Variants in TBC1D31 observed in about 807,000 individuals in gnomAD.
The protein encoded by TBC1D31 is WD repeat domain 67.
In TBC1D31, 99 loss-of-function variants were observed where a neutral mutation model predicts 132.9. The ratio of observed to expected loss-of-function variants is 0.74; its 90% CI spans 0.63 to 0.88. TBC1D31 has a LOEUF of 0.88. Among genes scored for constraint, TBC1D31 ranks in the 40% least tolerant of loss-of-function variants. The pLI, the probability that TBC1D31 is intolerant of heterozygous loss-of-function variation, is 0.00. For synonymous variants in TBC1D31, 385 were observed against 419.4 expected (o/e 0.92, Z 1.00); for missense variants, 1,134 against 1,256.6 (o/e 0.90, Z 1.48).
rs770748162 is a variant in TBC1D31 at position 123,151,912 on chromosome 8, T to A, written c.3174T>A (p.Cys1058Ter). ...QRLTARARHRCQTPHLLAA is the reference protein window; with the variant it reads ...QRLTARARHR ...TCACTGCCCGGGCTCGTCACAGATG[T>A]CAAACCCCTCATCTTTTGGCTGCAT... The change falls in exon 22 of 22, where the codon TGT becomes TGA. Residue 1058 changes from cysteine (C) to a stop codon, truncating the protein, a stop_gained. Transcript: ENST00000287380. LOFTEE classifies it high-confidence loss of function. The A allele has an allele frequency of 1.3e-6, 2 of 1,564,518 alleles. No individual in the cohort carries two copies. Among genetic ancestry groups the A allele is most frequent in the Non-Finnish European group, 1.7e-6 (2 of 1,160,390 alleles).
intron 20 of TBC1D31, among the ~76,000 whole-genome samples, chr8:123,146,688 C>CT (rs973392021): frequency 6.6e-4 from 96 of 144,454 alleles, no homozygotes; most frequent in South Asian, 1.1e-3. Flanking sequence ...TTATGCCTAC[C>CT]TTTTTTTTTT....
chr8:123,095,877 A>G (rs1238218981), intron 5 of TBC1D31, among the ~76,000 whole-genome samples: 1 of 152,156 alleles, frequency 6.6e-6, no homozygotes, highest in African/African-American at 2.4e-5. Flanking sequence ...CATTGTTTCT[A>G]GTCAGGGGAA....
intron 7 of TBC1D31, 57 bp from the exon 8 acceptor site, chr8:123,105,231 A>C: frequency 1.1e-5 from 14 of 1,265,536 alleles, no homozygotes; most frequent in Non-Finnish European, 1.4e-5. Context: ...ATACATTAAC[A>C]GGCCTGTCTT....
chr8:123,158,065 A>G, the TBC1D31 span, among the ~76,000 whole-genome samples: 1 of 144,482 alleles, frequency 6.9e-6, no homozygotes, highest in Non-Finnish European at 1.5e-5. Context: ...TTCAGGAATA[A>G]CCGTGGAAGC....
Position 123,082,751 on chromosome 8 carries a change from A to G in TBC1D31, c.274A>G (p.Asn92Asp). 6.2e-7 allele frequency: 1 copy of G among 1,613,340 alleles called. No individual in the cohort carries two copies. Among genetic ancestry groups the G allele is most frequent in the South Asian group, 1.1e-5 (1 of 91,084 alleles). The change falls in exon 3 of 22, where the codon AAT becomes GAT. Residue 92 changes from asparagine to aspartate, a missense_variant. Coordinates refer to ENST00000287380, the MANE Select transcript of TBC1D31 (RefSeq NM_145647.4). ...ACAAGCTTGCACAGCTCTGGCCTTTAATCTTCGTAGGAAATCTGAATTCCT... is the reference window on the plus strand; with the variant it reads ...ACAAGCTTGCACAGCTCTGGCCTTTGATCTTCGTAGGAAATCTGAATTCCT... ...TAQACTALAF[N>D]LRRKSEFLVA...
intron 17 of TBC1D31, among the ~76,000 whole-genome samples, chr8:123,140,252 C>G (rs1821510444): frequency 6.6e-6 from 1 of 152,172 alleles, no homozygotes; most frequent in South Asian, 2.1e-4. Flanking sequence ...ATCCCAGCTA[C>G]TTGGGAGGCT....
the TBC1D31 span, among the ~76,000 whole-genome samples, chr8:123,157,916 A>C: frequency 2.0e-5 from 3 of 152,036 alleles, no homozygotes; most frequent in South Asian, 6.2e-4. Flanking sequence ...GACTGACTGC[A>C]AGACTTTCTG....
chr8:123,101,055 T>G (rs898348099), intron 7 of TBC1D31, 48 bp downstream of exon 7: 1 of 1,275,868 alleles, frequency 7.8e-7, no homozygotes, highest in Non-Finnish European at 1.1e-6. Context: ...AACACTTATA[T>G]ATTATATCAT....
intron 6 of TBC1D31, among the ~76,000 whole-genome samples, chr8:123,099,934 G>A (rs1817217437): frequency 6.6e-6 from 1 of 151,946 alleles, no homozygotes; most frequent in South Asian, 2.1e-4. Flanking sequence ...GGGACAAGAG[G>A]GAGCCGAACT....
At chr8:123,073,571 G>A in intron 1 of TBC1D31, 1 of 358,310 alleles carries the variant, frequency 2.8e-6, no homozygotes, top group Admixed American at 3.8e-5. Context: ...TTGCTACAAA[G>A]CGGTGCCATT....
At chr8:123,096,164 ACT>A (rs921022165) in intron 5 of TBC1D31, among the ~76,000 whole-genome samples, 1 of 152,072 alleles carries the variant, frequency 6.6e-6, no homozygotes, top group Non-Finnish European at 1.5e-5. Context: ...AGATCATGTC[ACT>A]TTCCTATTTA....
At chr8:123,073,582 T>C (rs146883486) in intron 1 of TBC1D31, among the ~76,000 whole-genome samples, 26 of 152,336 alleles carry the variant, frequency 1.7e-4, no homozygotes, top group African/African-American at 5.5e-4. Flanking sequence ...CGGTGCCATT[T>C]GGATTTCGAT....
At chr8:123,154,685 A>G (rs1319261797), downstream of TBC1D31, among the ~76,000 whole-genome samples, 2 of 152,210 alleles carry the variant, frequency 1.3e-5, no homozygotes, top group African/African-American at 2.4e-5. Context: ...TACTGCTGGC[A>G]TGAGACCCGG....
chr8:123,156,986 GGC>G (rs1823008201), downstream of TBC1D31, among the ~76,000 whole-genome samples: 1 of 144,254 alleles, frequency 6.9e-6, no homozygotes, highest in African/African-American at 2.9e-5. Flanking sequence ...CAAGGGCAAG[GGC>G]AAGGGCAAGG....
chr8:123,134,019 T>C (rs374693165), intron 16 of TBC1D31, 95 bp from the exon 17 acceptor site: 1 of 860,902 alleles, frequency 1.2e-6, no homozygotes, highest in African/African-American at 1.7e-5. Flanking sequence ...TTTTAAATAC[T>C]GTTAGTAGGT....
chr8:123,130,623 CTTTT>C (rs774112527), intron 16 of TBC1D31, among the ~76,000 whole-genome samples: 2 of 136,112 alleles, frequency 1.5e-5, no homozygotes, highest in Non-Finnish European at 3.2e-5. Context: ...CTTTTCTTTT[CTTTT>C]TTTTTTTTTT....
intron 2 of TBC1D31, among the ~76,000 whole-genome samples, chr8:123,077,533 A>ATTTTTTTTTTTTTTTTTTTTT (rs33948089): frequency 7.0e-6 from 1 of 143,482 alleles, no homozygotes; most frequent in Non-Finnish European, 1.5e-5. Context: ...ATTATTGCTA[A>ATTTTTTTTTTTTTTTTTTTTT]TTTTTTTTTT....
downstream of TBC1D31, among the ~76,000 whole-genome samples, chr8:123,155,285 G>A (rs1236349007): frequency 1.3e-5 from 2 of 152,148 alleles, no homozygotes; most frequent in Admixed American, 1.3e-4. The surrounding 1 kb of genome is among the most constrained non-coding windows in gnomAD (Gnocchi z 4.1). Flanking sequence ...CCCCAAACCT[G>A]AAAAACTCTG....
chr8:123,140,931 C>G, intron 18 of TBC1D31, 30 bp downstream of exon 18: 1 of 1,598,276 alleles, frequency 6.3e-7, no homozygotes, highest in Non-Finnish European at 8.5e-7. Context: ...AGTATACATG[C>G]AGAGGAGAAA....
Sources: allele counts gnomAD v4.1 joint callset (sites outside exome capture counted in the v4.1 genomes callset), GRCh38; gene constraint gnomAD v4.1.1; non-coding constraint Gnocchi (gnomAD v3.1); transcripts MANE v1.5; gene names NCBI Gene and HGNC (gene_info 2026-07-23, HGNC 2026-07-21).